The following ARFGEF1 variants were observed in gnomAD, a reference collection of about 807,000 sequenced individuals.
The protein encoded by ARFGEF1 is ARF guanine nucleotide exchange factor 1, also known as brefeldin A-inhibited guanine nucleotide-exchange protein 1.
A neutral mutation model predicts 231.0 loss-of-function variants in ARFGEF1; 42 were observed. The ratio of observed to expected loss-of-function variants is 0.18; its 90% confidence interval spans 0.14 to 0.24. The LOEUF is 0.24. Among genes scored for constraint, ARFGEF1 ranks in the 10% least tolerant of loss-of-function variants. ARFGEF1 has a pLI of 1.00. For synonymous variants in ARFGEF1, 710 were observed against 732.3 expected, an observed-to-expected ratio of 0.97 and a Z score of 0.49; for missense variants, 1,345 against 2,192.0, an observed-to-expected ratio of 0.61 and a Z score of 7.72.
intron 22 of ARFGEF1, among the ~76,000 whole-genome samples, chr8:67,234,357 T>C (rs910603241): frequency 2.0e-5 from 3 of 152,138 alleles, no homozygotes; most frequent in East Asian, 1.9e-4. Context: ...GTTTGCTAAA[T>C]AGAACTAATT....
intron 3 of ARFGEF1, 144 bp from the exon 4 acceptor site, chr8:67,299,499 G>T: frequency 1.4e-6 from 1 of 691,668 alleles, no homozygotes; most frequent in Non-Finnish European, 2.2e-6. Flanking sequence ...CAAAGCCAAA[G>T]CTATACCAAC....
chr8:67,281,212 T>C (rs1251499047), intron 7 of ARFGEF1, among the ~76,000 whole-genome samples: 3 of 151,990 alleles, frequency 2.0e-5, no homozygotes, highest in South Asian at 2.1e-4. Context: ...AAGACTGCAA[T>C]AGCAATCAAG....
intron 5 of ARFGEF1, among the ~76,000 whole-genome samples, chr8:67,179,080 T>TC (rs1832369594): frequency 6.6e-6 from 1 of 152,284 alleles, no homozygotes; most frequent in Admixed American, 6.5e-5. Context: ...TGCTGGAGTG[T>TC]CCTACTGAAG....
chr8:67,195,465 T>C (rs1418946465), downstream of ARFGEF1: 1 of 1,614,086 alleles, frequency 6.2e-7, no homozygotes. Flanking sequence ...AACTGAGCCC[T>C]GGCTCCGCCC....
intron 23 of ARFGEF1, among the ~76,000 whole-genome samples, chr8:67,231,327 A>G (rs951986398): frequency 1.3e-5 from 2 of 152,124 alleles, no homozygotes; most frequent in African/African-American, 4.8e-5. Flanking sequence ...GAGGTTTTGT[A>G]TAAAATTTGA....
intron 23 of ARFGEF1, among the ~76,000 whole-genome samples, chr8:67,231,551 A>T (rs1051037086): frequency 6.6e-6 from 1 of 152,082 alleles, no homozygotes; most frequent in African/African-American, 2.4e-5. Flanking sequence ...TAAAAGCAGA[A>T]ACAGTAGGTA....
chr8:67,291,043 C>T (rs1805985420), intron 6 of ARFGEF1, among the ~76,000 whole-genome samples: 1 of 151,914 alleles, frequency 6.6e-6, no homozygotes, highest in South Asian at 2.1e-4. Context: ...TTCAGATGAA[C>T]TGTAACTGAC....
intron 3 of ARFGEF1, among the ~76,000 whole-genome samples, chr8:67,300,660 C>CAAAAAAAAAAA (rs200434355): frequency 1.1e-5 from 1 of 88,660 alleles, no homozygotes; most frequent in Admixed American, 1.2e-4. Flanking sequence ...CTTGTCTCTT[C>CAAAAAAAAAAA]AAAAAAAAAA....
chr8:67,289,796 A>G (rs1587233714), intron 6 of ARFGEF1, among the ~76,000 whole-genome samples: 1 of 152,270 alleles, frequency 6.6e-6, no homozygotes, highest in East Asian at 1.9e-4. Flanking sequence ...TAAAAACATA[A>G]ATGTCTTGAA....
At chr8:67,188,725 T>C (rs1485026956) in intron 5 of ARFGEF1, among the ~76,000 whole-genome samples, 1 of 152,170 alleles carries the variant, frequency 6.6e-6, no homozygotes, top group Non-Finnish European at 1.5e-5. Flanking sequence ...TGGCAGGATG[T>C]CCTCTACACT....
rs1405862929 is a variant in ARFGEF1 at position 67,276,006 on chromosome 8, T to A, written c.1307A>T (p.Lys436Ile). 11 of 1,613,468 alleles carry A rather than the reference T, an allele frequency of 6.8e-6. No individual in the cohort carries two copies. The highest frequency in any genetic ancestry group is 7.6e-6 in the Non-Finnish European group (9 of 1,179,554). Residue 436 changes from lysine (K) to isoleucine (I), a missense_variant, in exon 9 of 39, where the codon AAA becomes ATA. Transcript: ENST00000262215. Reference protein sequence around the residue: ...VFRSLCKLSMKPLSDGPPDPK... With the variant: ...VFRSLCKLSMIPLSDGPPDPK... Reference sequence around the variant, plus strand: ...ATCTGGTGGTCCATCTGACAGTGGTTTCATTGACAGTTTACACAATGACCT... The same window carrying A: ...ATCTGGTGGTCCATCTGACAGTGGTATCATTGACAGTTTACACAATGACCT...
chr8:67,274,221 A>G (rs1181909191), intron 9 of ARFGEF1, among the ~76,000 whole-genome samples: 1 of 152,064 alleles, frequency 6.6e-6, no homozygotes, highest in Non-Finnish European at 1.5e-5. Flanking sequence ...TTCAGGCTTC[A>G]AGAACATTTC....
At chr8:67,246,998 A>G (rs991060316) in intron 19 of ARFGEF1, among the ~76,000 whole-genome samples, 2 of 150,234 alleles carry the variant, frequency 1.3e-5, no homozygotes, top group African/African-American at 2.5e-5. Context: ...AATCTAAAGG[A>G]AATGGATAAA....
intron 1 of ARFGEF1, among the ~76,000 whole-genome samples, chr8:67,319,474 A>G (rs760380806): frequency 2.0e-5 from 3 of 151,690 alleles, no homozygotes; most frequent in Non-Finnish European, 2.9e-5. Context: ...CTTTTCAACA[A>G]ATAGTGTTGG....
At chr8:67,320,361 T>C (rs934165083) in intron 1 of ARFGEF1, among the ~76,000 whole-genome samples, 1 of 149,230 alleles carries the variant, frequency 6.7e-6, no homozygotes, top group Non-Finnish European at 1.5e-5. Context: ...CTCCCAAGAG[T>C]CGGTAAGGAT....
chr8:67,254,128 C>T (rs1047128026), intron 17 of ARFGEF1, among the ~76,000 whole-genome samples: 2 of 152,172 alleles, frequency 1.3e-5, no homozygotes, highest in African/African-American at 4.8e-5. Flanking sequence ...TGAATTATGT[C>T]AGGTGATCTG....
chr8:67,175,040 T>C (rs1831278717), downstream of ARFGEF1: 1 of 408,374 alleles, frequency 2.4e-6, no homozygotes, highest in Non-Finnish European at 4.6e-6. Flanking sequence ...AGATGGACAA[T>C]GCAACATCCA....
At chr8:67,288,132 A>G (rs1805838120) in intron 6 of ARFGEF1, 67 bp from the exon 7 acceptor site, 8 of 1,008,966 alleles carry the variant, frequency 7.9e-6, no homozygotes, top group African/African-American at 1.7e-5. Context: ...CTAAACATTT[A>G]TGATGAAAAA....
chr8:67,182,644 T>A (rs1833346940), intron 5 of ARFGEF1, among the ~76,000 whole-genome samples: 1 of 152,220 alleles, frequency 6.6e-6, no homozygotes, highest in Non-Finnish European at 1.5e-5. Context: ...TCCTTAACAC[T>A]TGTTACTTTG....
Sources: allele counts gnomAD v4.1 joint callset (sites outside exome capture counted in the v4.1 genomes callset), GRCh38; gene constraint gnomAD v4.1.1; transcripts MANE v1.5; gene names NCBI Gene and HGNC (gene_info 2026-07-23, HGNC 2026-07-21).